Variants in TNIK observed in about 807,000 individuals in gnomAD.
TNIK encodes TRAF2 and NCK-interacting protein kinase.
TNIK carries 49 observed loss-of-function variants against 191.3 expected under a neutral mutation model. The ratio of observed to expected loss-of-function variants is 0.26; its 90% CI spans 0.20 to 0.32. The LOEUF (loss-of-function observed/expected upper bound fraction) is 0.32. Ranked by LOEUF, TNIK falls within the 10% of genes least tolerant of loss-of-function variation. The pLI is 1.00. For missense variants in TNIK, 1,155 were observed against 1,702.3 expected, an observed-to-expected ratio of 0.68 and a Z score of 5.66; for synonymous variants, 594 against 600.9, an observed-to-expected ratio of 0.99 and a Z score of 0.17.
intron 2 of TNIK, among the ~76,000 whole-genome samples, chr3:171,367,059 A>G (rs1715828905): frequency 2.0e-5 from 3 of 152,232 alleles, no homozygotes; most frequent in Admixed American, 2.0e-4. Flanking sequence ...GTATTTCTTC[A>G]TAGCAGCGGG....
chr3:171,137,639 G>A (rs1169356985), intron 15 of TNIK, among the ~76,000 whole-genome samples: 1 of 152,162 alleles, frequency 6.6e-6, no homozygotes, highest in Non-Finnish European at 1.5e-5. Flanking sequence ...TTAAGCAAAT[G>A]AAGGAAGTAT....
chr3:171,272,308 C>T (rs1040733732), intron 2 of TNIK, among the ~76,000 whole-genome samples: 1 of 152,206 alleles, frequency 6.6e-6, no homozygotes, highest in African/African-American at 2.4e-5. Context: ...AAGGCAATTG[C>T]AGTATCAATC....
intron 7 of TNIK, among the ~76,000 whole-genome samples, chr3:171,185,881 A>G (rs1287986710): frequency 6.6e-6 from 1 of 152,198 alleles, no homozygotes; most frequent in Non-Finnish European, 1.5e-5. Flanking sequence ...GAAATCTAAT[A>G]AAGTCCGGTG....
chr3:171,178,434 G>A lies in TNIK; in HGVS notation c.640-1054C>T, dbSNP rs1228273701. ...GCCTATTTTGTGAGTAGACTAGTAT[G>A]TAACAATAGAGGCCAGTATACCTTT... is the stretch of plus-strand genomic sequence containing the variant. On this transcript the variant is annotated intron_variant, in intron 7 of 32. Transcript: ENST00000436636. Among the ~76,000 whole-genome samples the A allele has an allele frequency of 5.3e-5, 3 of 56,148 alleles. No individual in the cohort carries two copies. In the African/African-American group the frequency reaches 5.6e-4, roughly 11 times the overall value. 36.8% of individuals were successfully genotyped at this position (56,148 alleles called of 152,430 possible).
chr3:171,265,113 T>C (rs1332549692), intron 2 of TNIK, among the ~76,000 whole-genome samples: 2 of 152,112 alleles, frequency 1.3e-5, no homozygotes, highest in Non-Finnish European at 2.9e-5. Flanking sequence ...CTCATGCAAT[T>C]TGAGAATGTG....
intron 21 of TNIK, among the ~76,000 whole-genome samples, chr3:171,102,735 A>G (rs1018759333): frequency 2.6e-5 from 4 of 152,146 alleles, no homozygotes; most frequent in Middle Eastern, 3.2e-3. Flanking sequence ...ACAGTTTTCT[A>G]TGGCCATATT....
At chr3:171,457,956 C>T (rs1728961055) in intron 1 of TNIK, among the ~76,000 whole-genome samples, 1 of 152,230 alleles carries the variant, frequency 6.6e-6, no homozygotes, top group Admixed American at 6.5e-5. Flanking sequence ...CGGTTGCTCC[C>T]CTGCCTGCAG....
intron 1 of TNIK, among the ~76,000 whole-genome samples, chr3:171,444,094 G>T (rs572100360): frequency 6.6e-6 from 1 of 152,132 alleles, no homozygotes; most frequent in African/African-American, 2.4e-5. Flanking sequence ...TTTCATGCAC[G>T]CTCACTATCA....
chr3:171,299,876 A>G (rs1213129656), intron 2 of TNIK, among the ~76,000 whole-genome samples: 2 of 152,222 alleles, frequency 1.3e-5, no homozygotes, highest in African/African-American at 2.4e-5. Flanking sequence ...CACCTAACGT[A>G]CAAGGAGACA....
rs561330856 is a variant in TNIK, at chr3:171,184,372, C to T, written c.639+4330G>A. On this transcript the variant is annotated intron_variant, in intron 7 of 32. Transcript: ENST00000436636. ...AAATCTTTAGTTTTTTGTCCATTTT[C>T]ACTTGTTATGTGACCAAAGGGAAAA... Among the ~76,000 whole-genome samples the T allele has an allele frequency of 2.6e-5, 4 of 152,252 alleles. No individual in the cohort carries two copies. In the East Asian group the frequency reaches 7.7e-4, roughly 29 times the overall value.
intron 9 of TNIK, among the ~76,000 whole-genome samples, chr3:171,170,997 AG>A (rs1231548051): frequency 1.3e-5 from 2 of 152,214 alleles, no homozygotes; most frequent in Middle Eastern, 3.4e-3. Flanking sequence ...GGCTGCAGTG[AG>A]CTATGATTGC....
chr3:171,091,097 CAACTT>C (rs1177540063), intron 23 of TNIK, among the ~76,000 whole-genome samples: 1 of 152,100 alleles, frequency 6.6e-6, no homozygotes, highest in African/African-American at 2.4e-5. Context: ...TTTTATGTGT[CAACTT>C]GACTAGACCA....
chr3:171,409,012 T>C lies in TNIK; in HGVS notation c.58-39327A>G, dbSNP rs560352619. On this transcript the variant is annotated intron_variant, in intron 1 of 32. Transcript: ENST00000436636. ...AACTATAAAGCATAGTTCAGCCCCC[T>C]TCAGGGACACTAATATAAAAGTGTC... Among the ~76,000 whole-genome samples the C allele has an allele frequency of 2.6e-5, 4 of 152,168 alleles. No homozygotes were observed. In the East Asian group the frequency reaches 5.8e-4, roughly 22 times the overall value.
intron 12 of TNIK, among the ~76,000 whole-genome samples, chr3:171,147,213 G>T (rs1012441895): frequency 1.3e-5 from 2 of 152,154 alleles, no homozygotes; most frequent in African/African-American, 4.8e-5. Flanking sequence ...AACGGCTGGT[G>T]CAAGATCAAG....
At chr3:171,118,352 G>A (rs1376070265) in intron 18 of TNIK, among the ~76,000 whole-genome samples, 1 of 152,202 alleles carries the variant, frequency 6.6e-6, no homozygotes, top group Non-Finnish European at 1.5e-5. Context: ...TCGTGAAAAT[G>A]GCCATACTGC....
At chr3:171,153,679 A>G (rs148458735) in intron 12 of TNIK, among the ~76,000 whole-genome samples, 2,894 of 152,304 alleles carry the variant, frequency 0.019, 39 homozygotes, top group Middle Eastern at 0.034. Context: ...CTTAGTGAAG[A>G]CACATCAATG....
chr3:171,162,720 T>C (rs1046964970), intron 10 of TNIK, among the ~76,000 whole-genome samples: 2 of 152,172 alleles, frequency 1.3e-5, no homozygotes, highest in Non-Finnish European at 2.9e-5. Flanking sequence ...CCCTCCAAAT[T>C]AGTGTCTATT....
At chr3:171,288,490 G>A (rs1048593122) in intron 2 of TNIK, among the ~76,000 whole-genome samples, 12 of 152,166 alleles carry the variant, frequency 7.9e-5, no homozygotes, top group East Asian at 5.8e-4. Context: ...CAGGAGCCAC[G>A]GACAACAAAT....
intron 1 of TNIK, among the ~76,000 whole-genome samples, chr3:171,440,229 T>C (rs1726606621): frequency 6.6e-6 from 1 of 152,148 alleles, no homozygotes; most frequent in Non-Finnish European, 1.5e-5. Context: ...AGCAACTCAT[T>C]CCTCCTTGAT....
Sources: gnomAD v4.1 joint callset for allele counts (sites outside exome capture counted in the v4.1 genomes callset) on GRCh38, gnomAD v4.1.1 for gene constraint, MANE v1.5 for transcripts, NCBI Gene and HGNC (gene_info 2026-07-23, HGNC 2026-07-21) for gene names.